Variants in SNAPC4 observed in about 807,000 individuals in gnomAD.
The protein encoded by SNAPC4 is small nuclear RNA activating complex polypeptide 4.
In SNAPC4, 127 loss-of-function variants were observed where a neutral mutation model predicts 151.3. That is an observed-to-expected ratio of 0.84 (90% CI 0.73 to 0.97). SNAPC4 has a LOEUF of 0.97. SNAPC4 is among the 50% of genes least tolerant of loss of function. The pLI is 0.00. For missense variants in SNAPC4, 2,186 were observed against 1,935.0 expected, an observed-to-expected ratio of 1.13 and a Z score of -2.43; for synonymous variants, 1,002 against 824.4, an observed-to-expected ratio of 1.22 and a Z score of -3.69.
rs200982190 is a variant in SNAPC4, at chr9:136,376,477, G to T, written c.4289C>A (p.Ala1430Asp). The change falls in exon 23 of 24, where the codon GCC becomes GAC. Residue 1430 changes from alanine (A) to aspartate (D), a missense_variant. Transcript: ENST00000684778. The part of the protein sequence containing the change: ...CTTATCPIQG[A>D]PDSGKCSASS... ...AGCAGAGCATTTACCAGAGTCTGGG[G>T]CTCCCTGAAAGAAAATCCAGGCAGT... 3.7e-5 allele frequency: 60 copies of T among 1,613,054 alleles called. No individual in the cohort carries two copies. The highest frequency in any genetic ancestry group is 8.3e-5 in the Admixed American group (5 of 60,018).
rs371582917 is a variant in SNAPC4, at chr9:136,377,960, C to T, written c.3867G>A (p.Gln1289=). Residue 1289 remains glutamine, a synonymous_variant, in exon 22 of 24, where the codon CAG becomes CAA. Coordinates refer to ENST00000684778, the MANE Select transcript of SNAPC4 (RefSeq NM_003086.4). ...EAATQQWLGG[Q]RGVRVPLLGS... is the part of the protein sequence containing the mutation. The stretch of plus-strand genomic sequence containing the variant: ...CCAGAAGAGGCACACGCACCCCCCG[C>T]TGGCCCCCCAGCCACTGCTGTGTGG... 7.6e-5 allele frequency: 122 copies of T among 1,602,206 alleles called. No homozygotes were observed. Among genetic ancestry groups the T allele is most frequent in the Non-Finnish European group, 7.7e-5 (91 of 1,174,468 alleles).
intron 20 of SNAPC4, 24 bp downstream of exon 20, chr9:136,380,716 C>T: frequency 7.2e-7 from 1 of 1,383,608 alleles, no homozygotes; most frequent in East Asian, 2.3e-5. Context: ...GCCATCCTCA[C>T]TTCTCACCCC....
chr9:136,381,692 G>A (rs568453259), intron 18 of SNAPC4, 132 bp downstream of exon 18: 5 of 1,137,166 alleles, frequency 4.4e-6, no homozygotes, highest in Middle Eastern at 2.0e-4. Flanking sequence ...GCTGACCAGA[G>A]GTGGCGCCCA....
intron 13 of SNAPC4, among the ~76,000 whole-genome samples, chr9:136,386,860 C>G (rs11145826): frequency 0.23 from 34,305 of 151,164 alleles, 4,076 homozygotes; most frequent in Admixed American, 0.27. Context: ...TCAAGCGATT[C>G]TCCTGCCTCA....
In SNAPC4 at chr9:136,383,762, CG is replaced by C; in HGVS notation, c.1501-95del. On this transcript the variant is annotated intron_variant, in intron 15 of 23. Transcript: ENST00000684778. The surrounding 1 kb of genome is among the most constrained non-coding windows in gnomAD (Gnocchi z 4.2). ...CCAGCCCTTTGGGGAGAGGCCCAAG[CG>C]GGGGCGCCTCCGGGGTCAAGAGCAG... 6.7e-7 allele frequency: 1 copy of C among 1,497,180 alleles called. No individual in the cohort carries two copies. The highest frequency in any genetic ancestry group is 9.1e-7 in the Non-Finnish European group (1 of 1,103,754). 92.7% of individuals were successfully genotyped at this position (1,497,180 alleles called of 1,614,324 possible).
At chr9:136,382,437 C>G in intron 16 of SNAPC4, 101 bp from the exon 17 acceptor site, 1 of 994,810 alleles carries the variant, frequency 1.0e-6, no homozygotes, top group East Asian at 2.6e-5. Context: ...ACCCAGGCTC[C>G]AAAGCGTGGC....
Position 136,392,109 on chromosome 9 carries a change from GCA to G in SNAPC4, c.811-5_811-4del, listed in dbSNP as rs1325721227. On this transcript the variant is annotated splice_region_variant and splice_polypyrimidine_tract_variant and intron_variant, in intron 9 of 23. Transcript: ENST00000684778. ...TCTGCACTGCGGCTGCCTTCAAACTGCACCGACAGAGACACTCAGCCTTGCAG... is the reference window on the plus strand; with the variant it reads ...TCTGCACTGCGGCTGCCTTCAAACTGCCGACAGAGACACTCAGCCTTGCAG... 3.1e-6 allele frequency: 5 copies of G among 1,611,356 alleles called. No individual in the cohort carries two copies. The highest frequency in any genetic ancestry group is 4.2e-6 in the Non-Finnish European group (5 of 1,180,002).
chr9:136,378,665 G>A lies in SNAPC4; in HGVS notation c.3162C>T (p.Pro1054=), dbSNP rs766261359. 1.2e-5 allele frequency: 18 copies of A among 1,510,076 alleles called. No homozygotes were observed. Among genetic ancestry groups the A allele is most frequent in the Non-Finnish European group, 1.5e-5 (17 of 1,131,048 alleles). 93.5% of individuals were successfully genotyped at this position (1,510,076 alleles called of 1,614,324 possible). The change falls in exon 22 of 24, where the codon CCC becomes CCT. Residue 1054 remains proline, a synonymous_variant. Coordinates refer to ENST00000684778, the MANE Select transcript of SNAPC4 (RefSeq NM_003086.4). ...LPAAPSPTPL[P]VQPLSLTHIG... ...TGTGCGTCAGGCTGAGGGGCTGGACGGGCAGTGGGGTGGGGCTGGGGGCTG... is the reference window on the plus strand; with the variant it reads ...TGTGCGTCAGGCTGAGGGGCTGGACAGGCAGTGGGGTGGGGCTGGGGGCTG...
chr9:136,396,334 C>T lies in SNAPC4; in HGVS notation c.178-564G>A, dbSNP rs35049968. Reference sequence around the variant, plus strand: ...GAAAAAGGAAGCAGCAAATCGCCAACGTTTTCCAAAGTAAACAAAAGGCAG... The same window carrying T: ...GAAAAAGGAAGCAGCAAATCGCCAATGTTTTCCAAAGTAAACAAAAGGCAG... On this transcript the variant is annotated intron_variant, in intron 3 of 23. Coordinates refer to ENST00000684778, the MANE Select transcript of SNAPC4 (RefSeq NM_003086.4). 4.9e-3 allele frequency among the ~76,000 whole-genome samples: 746 copies of T among 152,366 alleles called. 1 individual carries two copies. The highest frequency in any genetic ancestry group is 8.4e-3 in the Non-Finnish European group (570 of 68,038).
chr9:136,394,422 G>A (rs1204690305), intron 6 of SNAPC4, 92 bp from the exon 7 acceptor site: 2 of 1,184,752 alleles, frequency 1.7e-6, no homozygotes, highest in Admixed American at 3.4e-5. Context: ...AGGCAGTGGT[G>A]GGGGGCCCCA....
intron 2 of SNAPC4, 56 bp downstream of exon 2, chr9:136,398,243 G>C: frequency 6.4e-7 from 1 of 1,561,224 alleles, no homozygotes; most frequent in Non-Finnish European, 8.7e-7. Flanking sequence ...AGGAACCCAG[G>C]AGGCAGACCA....
rs775081460 is a variant in SNAPC4 at position 136,383,903 on chromosome 9, T to C, written c.1500+50A>G. ...TCCTCCTGCCTGCTGGACCCCCCAG[T>C]TGACCAGGCCATTGTCTGGTTTCAG... On this transcript the variant is annotated intron_variant, in intron 15 of 23. Transcript: ENST00000684778. This position sits in a 1 kb window ranked among gnomAD's most constrained non-coding sequence, Gnocchi z 4.2. 6 of 1,358,958 alleles carry C rather than the reference T, an allele frequency of 4.4e-6. No individual in the cohort carries two copies. In the South Asian group the frequency reaches 5.8e-5, roughly 13 times the overall value. The allele number at this position is 1,358,958 out of a possible 1,614,324, so 84.2% of individuals were successfully genotyped here.
At chr9:136,381,453 G>C (rs1034679261) in intron 18 of SNAPC4, 61 bp from the exon 19 acceptor site, 1 of 1,431,792 alleles carries the variant, frequency 7.0e-7, no homozygotes, top group Non-Finnish European at 9.8e-7. Flanking sequence ...AGGGGGATGG[G>C]TGGAAAGCAG....
In SNAPC4 at chr9:136,376,375, T is replaced by C; in HGVS notation, c.4391A>G (p.Lys1464Arg). 2 of 1,613,294 alleles carry C rather than the reference T, an allele frequency of 1.2e-6. No homozygotes were observed. The highest frequency in any genetic ancestry group is 1.7e-6 in the Non-Finnish European group (2 of 1,179,944). The change falls in exon 23 of 24, where the codon AAG becomes AGG. Residue 1464 changes from lysine (K) to arginine (R), a missense_variant. By Grantham distance (26) the Lys-to-Arg change is conservative (BLOSUM62 2). Transcript: ENST00000684778. Reference protein sequence around the residue: ...LRTRHARHTRKRRRLV With the variant: ...LRTRHARHTRRRRRLV ...TGCTGCTCACACCAGCCGCCTCCGC[T>C]TCCGGGTGTGCCTGGCATGCCGGGT...
intron 22 of SNAPC4, 103 bp from the exon 23 acceptor site, chr9:136,376,584 C>A: frequency 2.9e-6 from 4 of 1,401,970 alleles, no homozygotes; most frequent in Non-Finnish European, 4.0e-6. Flanking sequence ...GAGTGTCCCA[C>A]TTGGGACAGG....
At position 136,383,293 on chromosome 9, in the gene SNAPC4, T is replaced by G; in HGVS notation, c.1876A>C (p.Ser626Arg). Reference sequence around the variant, plus strand: ...GCCCTGGCAGGGACCTGCACCGGACTCGTCTCCTCTCCAGGAGCCGCGGCT... The same window carrying G: ...GCCCTGGCAGGGACCTGCACCGGACGCGTCTCCTCTCCAGGAGCCGCGGCT... ...TTAAAPGEET[S>R]PVQVPARAHG... The change falls in exon 16 of 24, where the codon AGT becomes CGT. Residue 626 changes from serine to arginine, a missense_variant. Coordinates refer to ENST00000684778, the MANE Select transcript of SNAPC4 (RefSeq NM_003086.4). The surrounding 1 kb of genome is among the most constrained non-coding windows in gnomAD (Gnocchi z 4.2). 2 of 1,612,146 alleles carry G rather than the reference T, an allele frequency of 1.2e-6. No homozygotes were observed. Among genetic ancestry groups the G allele is most frequent in the Non-Finnish European group, 1.7e-6 (2 of 1,179,694 alleles).
intron 9 of SNAPC4, 65 bp from the exon 10 acceptor site, chr9:136,392,171 C>A (rs1834100772): frequency 1.9e-6 from 3 of 1,586,064 alleles, no homozygotes; most frequent in African/African-American, 2.7e-5. Flanking sequence ...GACGCAGCTC[C>A]AGGCTGAGCT....
In SNAPC4 at chr9:136,379,092, C is replaced by T. The variant is rs374296054; in HGVS notation, c.2735G>A (p.Arg912Gln). The change falls in exon 22 of 24, where the codon CGG becomes CAG. Residue 912 changes from arginine to glutamine, a missense_variant. By Grantham distance (43) the Arg-to-Gln change is conservative. Transcript: ENST00000684778. ...LQEARAREAT[R>Q]GPVVLPSQLL... ...CTGGGACGGGAGCACCACCGGGCCC[C>T]GGGTGGCCTCCCTGGCACGGGCCTC... is the stretch of plus-strand genomic sequence containing the variant. The T allele has an allele frequency of 2.6e-5, 41 of 1,563,662 alleles. 1 individual carries two copies. The highest frequency in any genetic ancestry group is 1.7e-4 in the Middle Eastern group (1 of 5,948).
chr9:136,394,907 C>G (rs1834208488), intron 5 of SNAPC4, 29 bp from the exon 6 acceptor site: 1 of 1,602,176 alleles, frequency 6.2e-7, no homozygotes, highest in Admixed American at 1.7e-5. Flanking sequence ...TCACCACAAG[C>G]ACAGGCCACA....
Sources: gnomAD v4.1 joint callset for allele counts (sites outside exome capture counted in the v4.1 genomes callset) on GRCh38, gnomAD v4.1.1 for gene constraint, Gnocchi (gnomAD v3.1) non-coding constraint, MANE v1.5 for transcripts, NCBI Gene and HGNC (gene_info 2026-07-23, HGNC 2026-07-21) for gene names.